Variants in NFIB observed in about 807,000 individuals in gnomAD.
The protein encoded by NFIB is nuclear factor I B.
NFIB carries 11 observed loss-of-function variants against 61.5 expected under a neutral mutation model. The ratio of observed to expected loss-of-function variants is 0.18; its 90% confidence interval spans 0.11 to 0.30. The LOEUF (loss-of-function observed/expected upper bound fraction) is 0.30, where lower values mean the gene tolerates loss of function less well. Among genes scored for constraint, NFIB ranks in the 10% least tolerant of loss-of-function variants. The pLI, the probability that NFIB is intolerant of heterozygous loss-of-function variation, is 1.00. For synonymous variants in NFIB, 260 were observed against 216.5 expected (o/e 1.20, Z -1.76); for missense variants, 471 against 608.9 (o/e 0.77, Z 2.38).
chr9:14,282,989 C>A (rs1009081462), intron 2 of NFIB, among the ~76,000 whole-genome samples: 16 of 152,168 alleles, frequency 1.1e-4, no homozygotes, highest in Admixed American at 9.8e-4. Flanking sequence ...CAGTCCCAGG[C>A]ACATAGTAAG....
the NFIB span, among the ~76,000 whole-genome samples, chr9:14,405,825 A>G: frequency 6.6e-6 from 1 of 152,224 alleles, no homozygotes; most frequent in Admixed American, 6.5e-5. Flanking sequence ...AATACAGTAG[A>G]CAGAGAATGA....
At chr9:14,518,832 T>C in the NFIB span, among the ~76,000 whole-genome samples, 1 of 152,036 alleles carries the variant, frequency 6.6e-6, no homozygotes, top group Admixed American at 6.6e-5. Context: ...CCTCAGGCCA[T>C]ATTTCCAATT....
At chr9:14,113,180 CAA>C (rs954550265) in intron 9 of NFIB, 99 bp from the exon 10 acceptor site, 499 of 725,050 alleles carry the variant, frequency 6.9e-4, no homozygotes, top group South Asian at 1.3e-3. Flanking sequence ...GATTTGCAAC[CAA>C]AAAAAAAAAG....
intron 1 of NFIB, among the ~76,000 whole-genome samples, chr9:14,321,136 C>T (rs371583108): frequency 6.6e-6 from 1 of 152,148 alleles, no homozygotes; most frequent in East Asian, 1.9e-4. Flanking sequence ...TCACACACTT[C>T]ACATTCAACC....
chr9:14,123,237 A>G (rs1255382218), intron 7 of NFIB, among the ~76,000 whole-genome samples: 2 of 151,114 alleles, frequency 1.3e-5, no homozygotes, highest in African/African-American at 4.9e-5. Flanking sequence ...AGCCTGGAGT[A>G]AGACCCTGTC....
chr9:14,511,497 C>T, the NFIB span, among the ~76,000 whole-genome samples: 3 of 146,078 alleles, frequency 2.1e-5, no homozygotes, highest in African/African-American at 7.5e-5. Flanking sequence ...ATTTTGAAAA[C>T]ATTATTTCAT....
chr9:14,330,427 T>G (rs1269319421), intron 1 of NFIB, among the ~76,000 whole-genome samples: 1 of 152,206 alleles, frequency 6.6e-6, no homozygotes, highest in East Asian at 1.9e-4. Context: ...AGCATTTTTT[T>G]TTAAATGATT....
intron 2 of NFIB, among the ~76,000 whole-genome samples, chr9:14,196,871 C>A (rs1416113115): frequency 1.3e-5 from 2 of 152,154 alleles, no homozygotes; most frequent in African/African-American, 4.8e-5. Flanking sequence ...GTTGTCAAAT[C>A]GTATGGAATT....
At chr9:14,249,332 G>A (rs1362312920) in intron 2 of NFIB, among the ~76,000 whole-genome samples, 1 of 152,146 alleles carries the variant, frequency 6.6e-6, no homozygotes, top group African/African-American at 2.4e-5. Context: ...TACTACCTAA[G>A]ATTTAGCTTT....
the NFIB span, among the ~76,000 whole-genome samples, chr9:14,484,121 T>C: frequency 6.6e-6 from 1 of 152,354 alleles, no homozygotes; most frequent in Non-Finnish European, 1.5e-5. Context: ...GATCCTCCAG[T>C]GACTAAACTT....
chr9:14,348,802 G>C (rs1014884694), intron 1 of NFIB, among the ~76,000 whole-genome samples: 2 of 152,234 alleles, frequency 1.3e-5, no homozygotes, highest in Non-Finnish European at 2.9e-5. Context: ...ACAGCCCCCT[G>C]TGCTCTGTGC....
At chr9:14,277,671 G>A (rs1381815153) in intron 2 of NFIB, among the ~76,000 whole-genome samples, 1 of 152,152 alleles carries the variant, frequency 6.6e-6, no homozygotes, top group Non-Finnish European at 1.5e-5. Context: ...AGGAATTTCA[G>A]ATGTCCTCTG....
the NFIB span, among the ~76,000 whole-genome samples, chr9:14,428,973 G>A: frequency 6.6e-6 from 1 of 152,130 alleles, no homozygotes; most frequent in South Asian, 2.1e-4. Flanking sequence ...TGGCAATTTC[G>A]CTTATCCCGG....
the NFIB span, among the ~76,000 whole-genome samples, chr9:14,408,541 C>G: frequency 6.6e-6 from 1 of 152,178 alleles, no homozygotes; most frequent in Non-Finnish European, 1.5e-5. Flanking sequence ...CCAACTGTCA[C>G]TTGAAGATTA....
At chr9:14,334,971 A>C (rs566815220) in intron 1 of NFIB, among the ~76,000 whole-genome samples, 51 of 152,344 alleles carry the variant, frequency 3.3e-4, no homozygotes, top group African/African-American at 1.2e-3. Flanking sequence ...TCTTTCTTTC[A>C]GCATAATTAT....
the NFIB span, among the ~76,000 whole-genome samples, chr9:14,482,351 CAGGAGGGG>C: frequency 6.6e-6 from 1 of 152,110 alleles, no homozygotes; most frequent in Non-Finnish European, 1.5e-5. Context: ...GGCCCTGGGG[CAGGAGGGG>C]ATATCGTGTT....
chr9:14,479,134 C>A, the NFIB span, among the ~76,000 whole-genome samples: 1 of 152,108 alleles, frequency 6.6e-6, no homozygotes, highest in Non-Finnish European at 1.5e-5. Flanking sequence ...ATCCCAGGTC[C>A]CTCACCCAGT....
chr9:14,248,087 C>G (rs1454844623), intron 2 of NFIB, among the ~76,000 whole-genome samples: 4 of 151,944 alleles, frequency 2.6e-5, no homozygotes, highest in African/African-American at 7.3e-5. Flanking sequence ...CATGCACCAC[C>G]ATGCCCAGCT....
At chr9:14,434,918 G>T in the NFIB span, among the ~76,000 whole-genome samples, 1 of 152,204 alleles carries the variant, frequency 6.6e-6, no homozygotes, top group Non-Finnish European at 1.5e-5. Context: ...CTGTATGTGG[G>T]TGGCAAGAAC....
Sources: gnomAD v4.1 joint callset for allele counts (sites outside exome capture counted in the v4.1 genomes callset) on GRCh38, gnomAD v4.1.1 for gene constraint, MANE v1.5 for transcripts, NCBI Gene and HGNC (gene_info 2026-07-23, HGNC 2026-07-21) for gene names.